Variants in ME3 observed in about 807,000 individuals in gnomAD.
ME3 encodes NADP-dependent malic enzyme, mitochondrial.
Under a neutral mutation model 68.9 loss-of-function variants are expected in ME3, and 48 were observed. The observed-to-expected ratio is 0.70, with a 90% CI of 0.55 to 0.89. ME3 has a LOEUF of 0.89. Ranked by LOEUF, ME3 falls within the 40% of genes least tolerant of loss-of-function variation. The pLI, the probability that ME3 is intolerant of heterozygous loss-of-function variation, is 0.00. For missense variants in ME3, 675 were observed against 797.4 expected, an observed-to-expected ratio of 0.85 and a Z score of 1.85; for synonymous variants, 320 against 318.8, an observed-to-expected ratio of 1.00 and a Z score of -0.04.
intron 7 of ME3, among the ~76,000 whole-genome samples, chr11:86,468,971 C>T (rs1415288366): frequency 1.3e-5 from 2 of 152,066 alleles, no homozygotes; most frequent in East Asian, 3.8e-4. Context: ...TACTCTATTG[C>T]ACTTGGTAAG....
At chr11:86,640,962 C>G (rs1332832053) in intron 2 of ME3, among the ~76,000 whole-genome samples, 1 of 151,850 alleles carries the variant, frequency 6.6e-6, no homozygotes, top group Non-Finnish European at 1.5e-5. Context: ...TCCCAACTCC[C>G]CAGAGGCCAA....
rs57349808 is a variant in ME3, at chr11:86,478,324, CAAAAAAAAAAAAAA to C, written c.809+8999_809+9012del. ...CCTCTGACAATGAAAGCCTAAGGACCAAAAAAAAAAAAAAAAAAAAAAAAAGGTTAAAGAAAAGC... is the reference window on the plus strand; with the variant it reads ...CCTCTGACAATGAAAGCCTAAGGACCAAAAAAAAAAAGGTTAAAGAAAAGC... On this transcript the variant is annotated intron_variant, in intron 7 of 14. Coordinates refer to ENST00000543262, the Ensembl canonical transcript of ME3. Among the ~76,000 whole-genome samples the C allele has an allele frequency of 1.7e-4, 11 of 62,898 alleles. No individual in the cohort carries two copies. In the East Asian group the frequency reaches 2.9e-3, roughly 17 times the overall value. 41.3% of individuals were successfully genotyped at this position (62,898 alleles called of 152,430 possible).
intron 2 of ME3, among the ~76,000 whole-genome samples, chr11:86,665,342 C>T (rs550974874): frequency 6.0e-4 from 92 of 152,090 alleles, no homozygotes; most frequent in Non-Finnish European, 1.0e-3. Flanking sequence ...TCACATGTGT[C>T]GGTCAAAGCA....
chr11:86,608,643 A>G (rs899596160), intron 2 of ME3, among the ~76,000 whole-genome samples: 2 of 152,190 alleles, frequency 1.3e-5, no homozygotes, highest in African/African-American at 4.8e-5. Flanking sequence ...CAAGATGAAT[A>G]CAAGGAGTTA....
intron 4 of ME3, among the ~76,000 whole-genome samples, chr11:86,539,058 G>C (rs1955874021): frequency 6.6e-6 from 1 of 152,170 alleles, no homozygotes; most frequent in African/African-American, 2.4e-5. Flanking sequence ...TTCTGGGAAG[G>C]GCCAAGACTC....
chr11:86,599,625 G>T (rs565719220), intron 2 of ME3, among the ~76,000 whole-genome samples: 2 of 152,148 alleles, frequency 1.3e-5, no homozygotes, highest in African/African-American at 4.8e-5. Flanking sequence ...TCCTTGAGAA[G>T]AACAACTCCA....
chr11:86,597,451 T>C (rs1418284114), intron 2 of ME3, among the ~76,000 whole-genome samples: 1 of 152,192 alleles, frequency 6.6e-6, no homozygotes, highest in East Asian at 1.9e-4. Flanking sequence ...GTAGAAACCA[T>C]GACAACCACA....
chr11:86,440,065 C>T (rs1948928795), downstream of ME3, among the ~76,000 whole-genome samples: 1 of 152,200 alleles, frequency 6.6e-6, no homozygotes, highest in African/African-American at 2.4e-5. Flanking sequence ...AATTACTCTT[C>T]TAGAAGTCTA....
chr11:86,652,527 G>C (rs2510498), intron 2 of ME3, among the ~76,000 whole-genome samples: 2 of 151,954 alleles, frequency 1.3e-5, no homozygotes, highest in Non-Finnish European at 2.9e-5. Flanking sequence ...TAAAATACTT[G>C]AGAGACAAGC....
intron 2 of ME3, among the ~76,000 whole-genome samples, chr11:86,580,629 T>A (rs1201035028): frequency 6.6e-6 from 1 of 152,200 alleles, no homozygotes. Flanking sequence ...ACTAAGGCAC[T>A]ATTTCAGTTT....
chr11:86,546,093 G>C (rs1208853013), intron 4 of ME3, among the ~76,000 whole-genome samples: 1 of 152,152 alleles, frequency 6.6e-6, no homozygotes, highest in Non-Finnish European at 1.5e-5. Flanking sequence ...AAATGGTGTT[G>C]GGAAAACTGG....
intron 3 of ME3, among the ~76,000 whole-genome samples, chr11:86,558,044 C>A (rs1957020054): frequency 6.6e-6 from 1 of 152,120 alleles, no homozygotes; most frequent in African/African-American, 2.4e-5. Context: ...GGTCAAGCAG[C>A]ATCAGGGGCA....
chr11:86,463,634 C>G (rs1950334669), intron 8 of ME3, among the ~76,000 whole-genome samples: 1 of 152,232 alleles, frequency 6.6e-6, no homozygotes, highest in African/African-American at 2.4e-5. Flanking sequence ...TGGATACCCA[C>G]TCTTCAGGCA....
At chr11:86,647,165 A>G (rs892163965) in intron 2 of ME3, among the ~76,000 whole-genome samples, 1 of 152,248 alleles carries the variant, frequency 6.6e-6, no homozygotes, top group Non-Finnish European at 1.5e-5. Flanking sequence ...ATAACCAGCT[A>G]GCATCATAAT....
chr11:86,575,076 C>T (rs1222054418), intron 2 of ME3, among the ~76,000 whole-genome samples: 4 of 147,020 alleles, frequency 2.7e-5, no homozygotes, highest in Non-Finnish European at 6.0e-5. Flanking sequence ...GGGAAGCAGT[C>T]ATAGTAAAAA....
chr11:86,535,250 C>T (rs143893508), intron 4 of ME3, among the ~76,000 whole-genome samples: 70 of 152,316 alleles, frequency 4.6e-4, no homozygotes, highest in African/African-American at 1.7e-3. Flanking sequence ...AGGAGGTTCA[C>T]CCTACCTTCA....
intron 2 of ME3, among the ~76,000 whole-genome samples, chr11:86,564,524 A>C (rs1042232361): frequency 2.5e-4 from 38 of 152,020 alleles, no homozygotes; most frequent in African/African-American, 9.2e-4. Flanking sequence ...ATGGAATAGA[A>C]TAAAGAGTTC....
chr11:86,564,223 T>C (rs1957369423), intron 2 of ME3, among the ~76,000 whole-genome samples: 1 of 152,138 alleles, frequency 6.6e-6, no homozygotes, highest in East Asian at 1.9e-4. Context: ...TATATCTTCT[T>C]TGGTAAAGTA....
intron 2 of ME3, among the ~76,000 whole-genome samples, chr11:86,628,386 A>G (rs567859582): frequency 3.3e-5 from 5 of 152,242 alleles, no homozygotes; most frequent in Non-Finnish European, 5.9e-5. Context: ...CTAAGATGCT[A>G]TTTCTGTCTT....
Sources: gnomAD v4.1 joint callset for allele counts (sites outside exome capture counted in the v4.1 genomes callset) on GRCh38, gnomAD v4.1.1 for gene constraint, MANE v1.5 for transcripts, NCBI Gene and HGNC (gene_info 2026-07-23, HGNC 2026-07-21) for gene names.